The following ANK3 variants were observed in gnomAD, a reference collection of about 807,000 sequenced individuals.
ANK3 encodes ankyrin 3.
In ANK3, 57 loss-of-function variants were observed where a neutral mutation model predicts 370.9. The observed-to-expected ratio is 0.15, with a 90% CI of 0.12 to 0.19. The LOEUF (loss-of-function observed/expected upper bound fraction) is 0.19. Ranked by LOEUF, ANK3 falls within the 10% of genes least tolerant of loss-of-function variation. The probability of loss-of-function intolerance (pLI) is 1.00; values close to 1 mark genes in which losing one functional copy is unlikely to be tolerated. For missense variants in ANK3, 4,439 were observed against 5,302.1 expected, an observed-to-expected ratio of 0.84 and a Z score of 5.06; for synonymous variants, 1,929 against 1,946.3, an observed-to-expected ratio of 0.99 and a Z score of 0.23.
chr10:60,404,523 A>G (rs985916421), intron 2 of ANK3, among the ~76,000 whole-genome samples: 2 of 152,174 alleles, frequency 1.3e-5, no homozygotes, highest in African/African-American at 2.4e-5. Context: ...CAGAATACCC[A>G]TATGAATAAA....
chr10:60,576,119 C>G (rs984096916), intron 2 of ANK3, among the ~76,000 whole-genome samples: 1 of 152,120 alleles, frequency 6.6e-6, no homozygotes, highest in Admixed American at 6.5e-5. Flanking sequence ...TCAGAAAAAA[C>G]ATAAGCTGAA....
chr10:60,217,680 G>A lies in ANK3; in HGVS notation c.898-4170C>T, dbSNP rs1247922368. Reference sequence around the variant, plus strand: ...AGGAGTGTTTTACTTCCAATCATATGATCGATTTTCGAACAAGTGCCATGT... The same window carrying A: ...AGGAGTGTTTTACTTCCAATCATATAATCGATTTTCGAACAAGTGCCATGT... On this transcript the variant is annotated intron_variant, in intron 8 of 43. Coordinates refer to ENST00000280772, the MANE Select transcript of ANK3 (RefSeq NM_020987.5). 5.9e-5 allele frequency among the ~76,000 whole-genome samples: 9 copies of A among 152,166 alleles called. No individual in the cohort carries two copies. The East Asian group carries it at 1.7e-3, about 29-fold the overall frequency.
At chr10:60,386,980 C>T (rs1031886862) in intron 1 of ANK3, among the ~76,000 whole-genome samples, 13 of 151,926 alleles carry the variant, frequency 8.6e-5, no homozygotes, top group Admixed American at 4.6e-4. Flanking sequence ...GCCAACACGG[C>T]GAAACCCCAT....
intron 2 of ANK3, among the ~76,000 whole-genome samples, chr10:60,408,758 G>A (rs559216408): frequency 1.2e-4 from 19 of 152,210 alleles, no homozygotes; most frequent in Admixed American, 7.2e-4. Context: ...CACAGAAAAC[G>A]CTTCCGTCAC....
chr10:60,559,067 C>T (rs991419104), intron 2 of ANK3, among the ~76,000 whole-genome samples: 5 of 152,140 alleles, frequency 3.3e-5, no homozygotes, highest in Admixed American at 6.5e-5. Flanking sequence ...CTTATGCTAG[C>T]AATGCTTTTA....
At chr10:60,477,587 C>T (rs2075105378) in intron 2 of ANK3, among the ~76,000 whole-genome samples, 1 of 146,782 alleles carries the variant, frequency 6.8e-6, no homozygotes, top group African/African-American at 2.5e-5. Context: ...TAGTGGAAAA[C>T]AAAGTGTTAC....
chr10:60,098,915 G>A (rs1003892974), intron 28 of ANK3, among the ~76,000 whole-genome samples: 1 of 152,108 alleles, frequency 6.6e-6, no homozygotes, highest in African/African-American at 2.4e-5. Flanking sequence ...TGATATACCT[G>A]CTTGTTTTTC....
At chr10:60,084,884 C>CT in intron 31 of ANK3, 54 bp from the exon 32 acceptor site, 1 of 1,270,838 alleles carries the variant, frequency 7.9e-7, no homozygotes, top group Non-Finnish European at 1.1e-6. Flanking sequence ...AAAGCCAAAT[C>CT]TTAAAAAGAC....
chr10:60,728,504 G>GA (rs1295074448), intron 1 of ANK3, among the ~76,000 whole-genome samples: 1 of 152,122 alleles, frequency 6.6e-6, no homozygotes, highest in Non-Finnish European at 1.5e-5. Flanking sequence ...CAATGTGAGG[G>GA]AAAAAGTGTT....
At chr10:60,676,471 G>C (rs1168164493) in intron 1 of ANK3, among the ~76,000 whole-genome samples, 1 of 152,086 alleles carries the variant, frequency 6.6e-6, no homozygotes, top group Non-Finnish European at 1.5e-5. Flanking sequence ...CTGTTGTCAT[G>C]ACACATACCA....
chr10:60,614,090 A>G (rs2078236776), intron 2 of ANK3, among the ~76,000 whole-genome samples: 1 of 152,180 alleles, frequency 6.6e-6, no homozygotes, highest in Admixed American at 6.5e-5. Flanking sequence ...AGATAATTCA[A>G]GTGTACCACA....
At chr10:60,499,568 G>A (rs534665880) in intron 2 of ANK3, among the ~76,000 whole-genome samples, 16 of 152,124 alleles carry the variant, frequency 1.1e-4, no homozygotes, top group African/African-American at 2.9e-4. Context: ...TGAGAGATAC[G>A]GAAAGAAAAC....
rs573792366 is a variant in ANK3 at position 60,485,806 on chromosome 10, G to T, written c.96+129380C>A. Among the ~76,000 whole-genome samples the T allele has an allele frequency of 2.6e-5, 4 of 152,268 alleles. No individual in the cohort carries two copies. The East Asian group carries it at 7.7e-4, about 29-fold the overall frequency. ...AGGATGGCTTGGAAAATGTCAGCATGATGGGCACATTGAGAACATTCTATC... is the reference window on the plus strand; with the variant it reads ...AGGATGGCTTGGAAAATGTCAGCATTATGGGCACATTGAGAACATTCTATC... On this transcript the variant is annotated intron_variant, in intron 2 of 43. Coordinates refer to the ANK3 transcript ENST00000373827.
intron 1 of ANK3, among the ~76,000 whole-genome samples, chr10:60,709,042 G>C (rs2079660955): frequency 6.6e-6 from 1 of 152,088 alleles, no homozygotes; most frequent in Admixed American, 6.5e-5. Flanking sequence ...TCAGTGCCTT[G>C]TACACAATTC....
At chr10:60,684,675 G>T in intron 1 of ANK3, 1 of 1,588,042 alleles carries the variant, frequency 6.3e-7, no homozygotes, top group Non-Finnish European at 8.6e-7. Context: ...TTAACACTGA[G>T]AAAATTAAGG....
intron 16 of ANK3, among the ~76,000 whole-genome samples, chr10:60,192,647 A>T (rs2096509306): frequency 6.6e-6 from 1 of 152,194 alleles, no homozygotes; most frequent in African/African-American, 2.4e-5. Context: ...AAATGTGTGC[A>T]CATGGACATA....
intron 2 of ANK3, among the ~76,000 whole-genome samples, chr10:60,614,717 G>A (rs1207688902): frequency 6.6e-6 from 1 of 152,178 alleles, no homozygotes; most frequent in Non-Finnish European, 1.5e-5. Context: ...TAATTGAAGT[G>A]ACTCTCCTTT....
intron 2 of ANK3, among the ~76,000 whole-genome samples, chr10:60,430,285 C>T (rs534864995): frequency 1.3e-5 from 2 of 152,196 alleles, no homozygotes; most frequent in South Asian, 2.1e-4. Context: ...GTGGGAATAC[C>T]AGCCCAGAAT....
At chr10:60,309,908 T>C (rs1165174700) in intron 1 of ANK3, among the ~76,000 whole-genome samples, 1 of 151,248 alleles carries the variant, frequency 6.6e-6, no homozygotes, top group Admixed American at 6.6e-5. Context: ...TCAATTTCTT[T>C]TCTTTTCTTT....
Sources: gnomAD v4.1 joint callset for allele counts (sites outside exome capture counted in the v4.1 genomes callset) on GRCh38, gnomAD v4.1.1 for gene constraint, MANE v1.5 for transcripts, NCBI Gene and HGNC (gene_info 2026-07-23, HGNC 2026-07-21) for gene names.